PRR5: variants seen among roughly 807,000 people sequenced by gnomAD.
The protein encoded by PRR5 is proline rich 5, also known as proline-rich protein 5.
In PRR5, 25 loss-of-function variants were observed where a neutral mutation model predicts 30.6. The ratio of observed to expected loss-of-function variants is 0.82; its 90% CI spans 0.60 to 1.14. The LOEUF is 1.14. PRR5 is among the 50% of genes most tolerant of loss of function. PRR5 has a pLI of 0.00. For synonymous variants in PRR5, 286 were observed against 247.1 expected, an observed-to-expected ratio of 1.16 and a Z score of -1.48; for missense variants, 600 against 547.1, an observed-to-expected ratio of 1.10 and a Z score of -0.96.
intron 2 of PRR5, among the ~76,000 whole-genome samples, chr22:44,722,048 G>A (rs1930014895): frequency 2.0e-5 from 3 of 152,206 alleles, no homozygotes; most frequent in Admixed American, 2.0e-4. Flanking sequence ...GGGACAGTGG[G>A]AGAAGGTTGG....
intron 1 of PRR5, among the ~76,000 whole-genome samples, chr22:44,670,236 C>T (rs758381015): frequency 6.6e-6 from 1 of 152,210 alleles, no homozygotes; most frequent in Non-Finnish European, 1.5e-5. Context: ...AGCCGCTCCC[C>T]TCTTGGAGCC....
In PRR5 at chr22:44,702,512, C is replaced by G; in HGVS notation, c.38C>G (p.Pro13Arg). 1 of 1,471,002 alleles carries G rather than the reference C, an allele frequency of 6.8e-7. No individual in the cohort carries two copies. The highest frequency in any genetic ancestry group is 9.0e-7 in the Non-Finnish European group (1 of 1,109,442). 91.1% of individuals were successfully genotyped at this position (1,471,002 alleles called of 1,614,324 possible). A position where few individuals can be genotyped will look rare whatever the true frequency, so the allele number is the denominator to read the frequency against. Residue 13 changes from proline to arginine, a missense_variant, in exon 1 of 8, where the codon CCC becomes CGC. By Grantham distance (103) the Pro-to-Arg change is moderately radical. Coordinates refer to ENST00000336985, the MANE Select transcript of PRR5 (RefSeq NM_181333.4). ...TLRRLKFMSS[P>R]SLSDLGKREP... The stretch of plus-strand genomic sequence containing the variant: ...CGCAGGTTGAAGTTCATGAGTTCGC[C>G]CAGCCTCAGTGACCTGGGCAAGAGA...
chr22:44,726,693 G>T, intron 4 of PRR5, 59 bp downstream of exon 4: 1 of 1,612,772 alleles, frequency 6.2e-7, no homozygotes, highest in Admixed American at 1.7e-5. Context: ...CTGGCTGCTG[G>T]ACTGCTGGGC....
In PRR5 at chr22:44,737,142, G is replaced by A; in HGVS notation, c.1062G>A (p.Glu354=). ...SPENLVDQIL[E]SVDSDSEGIF... ...AGAACCTGGTGGACCAGATCCTGGA[G>A]TCCGTGGACTCGGATTCTGAAGGGA... Residue 354 remains glutamate, a synonymous_variant, in exon 8 of 8, where the codon GAG becomes GAA. Coordinates refer to ENST00000336985, the MANE Select transcript of PRR5 (RefSeq NM_181333.4). 1 of 1,612,712 alleles carries A rather than the reference G, an allele frequency of 6.2e-7. No individual in the cohort carries two copies. The highest frequency in any genetic ancestry group is 8.5e-7 in the Non-Finnish European group (1 of 1,180,006).
intron 1 of PRR5, among the ~76,000 whole-genome samples, chr22:44,692,807 T>C (rs1401072115): frequency 6.6e-6 from 1 of 152,178 alleles, no homozygotes; most frequent in Non-Finnish European, 1.5e-5. Flanking sequence ...GCGGGGATGT[T>C]CCCCGGGCCT....
At chr22:44,669,198 C>G (rs900055844) in intron 1 of PRR5, among the ~76,000 whole-genome samples, 5 of 151,872 alleles carry the variant, frequency 3.3e-5, no homozygotes, top group African/African-American at 9.7e-5. Context: ...GTCCCCATCT[C>G]CTTCCCCGAC....
At position 44,722,230 on chromosome 22, in the gene PRR5, C is replaced by T. The variant is rs898338314; in HGVS notation, c.216-3014C>T. On this transcript the variant is annotated intron_variant, in intron 2 of 7. Transcript: ENST00000336985. Reference sequence around the variant, plus strand: ...GCTGCTGGCCAGGAGCAGGGCCAGGCTCCAGGGCTGGAACCACTCAGCTGC... The same window carrying T: ...GCTGCTGGCCAGGAGCAGGGCCAGGTTCCAGGGCTGGAACCACTCAGCTGC... Among the ~76,000 whole-genome samples, 3 of 152,362 alleles carry T rather than the reference C, an allele frequency of 2.0e-5. No homozygotes were observed. In the South Asian group the frequency reaches 6.2e-4, roughly 32 times the overall value.
chr22:44,676,426 A>G (rs2349640), upstream of PRR5, among the ~76,000 whole-genome samples: 4 of 148,130 alleles, frequency 2.7e-5, no homozygotes, highest in South Asian at 2.2e-4. Flanking sequence ...GAAAGAAAGA[A>G]AAGAGAAGAG....
At chr22:44,736,251 A>G (rs1024286037) in intron 7 of PRR5, among the ~76,000 whole-genome samples, 1 of 152,170 alleles carries the variant, frequency 6.6e-6, no homozygotes, top group Non-Finnish European at 1.5e-5. Context: ...CATCCCCAGG[A>G]TGGAATCCCC....
At chr22:44,703,888 A>G (rs1926767825) in intron 1 of PRR5, among the ~76,000 whole-genome samples, 1 of 152,312 alleles carries the variant, frequency 6.6e-6, no homozygotes, top group South Asian at 2.1e-4. Flanking sequence ...ATCTCAAAAA[A>G]AAAGAAGAGC....
chr22:44,702,025 C>G (rs74552255), upstream of PRR5, among the ~76,000 whole-genome samples: 3,751 of 152,198 alleles, frequency 0.025, 46 homozygotes, highest in East Asian at 0.041. Context: ...AGCACGTCCT[C>G]AGAGGGCAGA....
At chr22:44,730,257 G>A (rs1372942332) in intron 4 of PRR5, 1 of 984,906 alleles carries the variant, frequency 1.0e-6, no homozygotes, top group African/African-American at 1.7e-5. Context: ...CTGGCCGGGG[G>A]CGCAGCCTGA....
At chr22:44,669,928 G>T (rs1237017560) in intron 1 of PRR5, among the ~76,000 whole-genome samples, 1 of 152,196 alleles carries the variant, frequency 6.6e-6, no homozygotes, top group African/African-American at 2.4e-5. Context: ...CCAGAATCCT[G>T]GGGGTAAGCT....
At chr22:44,704,157 AAGT>A (rs1347446009) in intron 1 of PRR5, among the ~76,000 whole-genome samples, 4 of 152,210 alleles carry the variant, frequency 2.6e-5, no homozygotes, top group Non-Finnish European at 4.4e-5. Context: ...AGCACATAGT[AAGT>A]CCTCTGTACC....
chr22:44,736,600 C>G (rs1273884886), intron 7 of PRR5, among the ~76,000 whole-genome samples, 172 bp from the exon 8 acceptor site: 1 of 147,744 alleles, frequency 6.8e-6, no homozygotes, highest in Admixed American at 6.6e-5. Context: ...GAGACTGGAA[C>G]CTGAGCTGGT....
intron 1 of PRR5, among the ~76,000 whole-genome samples, chr22:44,688,106 G>A (rs950934024): frequency 6.8e-5 from 10 of 147,798 alleles, no homozygotes; most frequent in East Asian, 6.8e-4. Flanking sequence ...TTTCCTAGCC[G>A]GGTGCAGTGG....
rs146932293 is a variant in PRR5, at chr22:44,737,349, G to C, written c.*102G>C. ...AGACTTTTTTACTGCGTCCCGTCCC[G>C]CCAGCCCTATCGGCCTCGTCACTGG... is the stretch of plus-strand genomic sequence containing the variant. On this transcript the variant is annotated 3_prime_UTR_variant, in exon 8 of 8. Transcript: ENST00000336985. The C allele has an allele frequency of 2.7e-6, 4 of 1,464,290 alleles. No homozygotes were observed. The East Asian group carries it at 9.7e-5, about 35-fold the overall frequency. 90.7% of individuals were successfully genotyped at this position (1,464,290 alleles called of 1,614,324 possible). A position where few individuals can be genotyped will look rare whatever the true frequency, so the allele number is the denominator to read the frequency against.
Position 44,732,367 on chromosome 22 carries a change from C to G in PRR5, c.531C>G (p.Ile177Met), listed in dbSNP as rs563508927. 6.2e-7 allele frequency: 1 copy of G among 1,610,460 alleles called. No individual in the cohort carries two copies. The highest frequency in any genetic ancestry group is 8.5e-7 in the Non-Finnish European group (1 of 1,179,372). The change falls in exon 6 of 8, where the codon ATC (isoleucine) becomes ATG (methionine). Residue 177 changes from isoleucine to methionine, a missense_variant. By Grantham distance (10) the Ile-to-Met change is conservative (BLOSUM62 1). Transcript: ENST00000336985. Reference sequence around the variant, plus strand: ...CCCATGCCCGTGTGCCCCCTGCCATCGTGCAGATGCTGCTGGTGCTGCAGG... The same window carrying G: ...CCCATGCCCGTGTGCCCCCTGCCATGGTGCAGATGCTGCTGGTGCTGCAGG... ...ARAHARVPPA[I>M]VQMLLVLQGV...
chr22:44,683,833 G>A lies in PRR5; in HGVS notation c.-11+6593G>A, dbSNP rs527744204. Among the ~76,000 whole-genome samples the A allele has an allele frequency of 1.4e-4, 21 of 152,322 alleles. No individual in the cohort carries two copies. The South Asian group carries it at 2.9e-3, about 21-fold the overall frequency. On this transcript the variant is annotated intron_variant, in intron 1 of 8. Transcript: ENST00000006251. ...TGAGAAGCCTACTCGCGAGCCACCC[G>A]GGGAATGGAAGCAGCTTCCACGGAT...
Sources: gnomAD v4.1 joint callset for allele counts (sites outside exome capture counted in the v4.1 genomes callset) on GRCh38, gnomAD v4.1.1 for gene constraint, MANE v1.5 for transcripts, NCBI Gene and HGNC (gene_info 2026-07-23, HGNC 2026-07-21) for gene names.